The following PKD1 variants were observed in gnomAD, a reference collection of about 807,000 sequenced individuals.
PKD1 encodes the protein polycystin-1.
In PKD1, 81 loss-of-function variants were observed where a neutral mutation model predicts 361.7. That is an observed-to-expected ratio of 0.22 (90% CI 0.19 to 0.27). PKD1 has a LOEUF of 0.27. Among genes scored for constraint, PKD1 ranks in the 10% least tolerant of loss-of-function variants. PKD1 has a pLI of 1.00. For missense variants in PKD1, 6,399 were observed against 6,118.3 expected, an observed-to-expected ratio of 1.05 and a Z score of -1.53; for synonymous variants, 3,615 against 2,818.3, an observed-to-expected ratio of 1.28 and a Z score of -8.95.
chr16:2,112,701 A>G, intron 13 of PKD1, 87 bp downstream of exon 13: 1 of 1,428,086 alleles, frequency 7.0e-7, no homozygotes, highest in Non-Finnish European at 9.6e-7. Flanking sequence ...CAGAAAAGCA[A>G]CCCCGTGATG....
rs724159822 is a variant in PKD1, at chr16:2,112,816, C to G, written c.3133G>C (p.Val1045Leu). The change falls in exon 13 of 46, where the codon GTG becomes CTG. Residue 1045 changes from valine (V) to leucine (L), a missense_variant. Coordinates refer to ENST00000262304, the MANE Select transcript of PKD1 (RefSeq NM_001009944.3). ...ATLALTAGVL[V>L]DSAVEVAFLW... The stretch of plus-strand genomic sequence containing the variant: ...AAGGCCACCTCCACGGCCGAGTCCA[C>G]CAGCACGCCCGCCGTCAGTGCTAGC... 4.4e-6 allele frequency: 7 copies of G among 1,599,690 alleles called. No individual in the cohort carries two copies. The highest frequency in any genetic ancestry group is 3.3e-5 in the Admixed American group (2 of 59,984).
intron 34 of PKD1, 109 bp from the exon 35 acceptor site, chr16:2,094,319 T>TC (rs1246831613): frequency 4.1e-6 from 3 of 740,168 alleles, no homozygotes; most frequent in South Asian, 1.5e-5. Flanking sequence ...GGTCACAGGG[T>TC]CCCCCCGACA....
chr16:2,113,799 A>G (rs903239345), intron 11 of PKD1: 4 of 402,178 alleles, frequency 9.9e-6, no homozygotes, highest in Non-Finnish European at 1.9e-5. Flanking sequence ...CACCGCGGGC[A>G]GCCCGCAGTT....
chr16:2,098,153 G>T, intron 30 of PKD1, 169 bp from the exon 31 acceptor site: 1 of 609,708 alleles, frequency 1.6e-6, no homozygotes, highest in East Asian at 2.8e-5. Flanking sequence ...AGCCCCTCGC[G>T]ACGTGTGCCA....
At chr16:2,124,805 G>C (rs1303186292) in intron 1 of PKD1, among the ~76,000 whole-genome samples, 3 of 152,220 alleles carry the variant, frequency 2.0e-5, no homozygotes, top group African/African-American at 7.2e-5. Flanking sequence ...TGGGGGGACC[G>C]GCTCGGAGGG....
chr16:2,121,875 C>T (rs950509058), intron 1 of PKD1, among the ~76,000 whole-genome samples: 109 of 152,336 alleles, frequency 7.2e-4, no homozygotes, highest in African/African-American at 2.3e-3. Context: ...CAGGTGCCTC[C>T]GCCTAGACTT....
chr16:2,111,688 G>A lies in PKD1; in HGVS notation c.3479C>T (p.Thr1160Met), dbSNP rs779579607. Residue 1160 changes from threonine to methionine, a missense_variant, in exon 15 of 46, where the codon ACG (threonine) becomes ATG (methionine). By Grantham distance (81) the Thr-to-Met change is moderately conservative. Coordinates refer to ENST00000262304, the MANE Select transcript of PKD1 (RefSeq NM_001009944.3). Reference protein sequence around the residue: ...PLPSPGGVLYTWDFGDGSPVL... With the variant: ...PLPSPGGVLYMWDFGDGSPVL... ...AGGGGAGCCGTCCCCGAAGTCCCAC[G>A]TGTAAAGAACACCCCCAGGCGAGGG... is the stretch of plus-strand genomic sequence containing the variant. 217 of 1,581,110 alleles carry A rather than the reference G, an allele frequency of 1.4e-4. 1 individual carries two copies. The highest frequency in any genetic ancestry group is 5.7e-4 in the South Asian group (50 of 87,408).
chr16:2,094,498 G>A (rs914228103), intron 34 of PKD1, among the ~76,000 whole-genome samples: 5 of 152,196 alleles, frequency 3.3e-5, no homozygotes, highest in Non-Finnish European at 1.5e-5. Flanking sequence ...TTACAGCAGT[G>A]CACAGTCTCT....
At chr16:2,113,714 C>T (rs918990529) in intron 11 of PKD1, 4 of 358,620 alleles carry the variant, frequency 1.1e-5, no homozygotes, top group African/African-American at 8.3e-5. Flanking sequence ...GATGGCCCCT[C>T]CCAAGGCCCC....
At chr16:2,101,032 C>CTGGA (rs1596516997) in intron 26 of PKD1, among the ~76,000 whole-genome samples, 1 of 151,982 alleles carries the variant, frequency 6.6e-6, no homozygotes, top group East Asian at 1.9e-4. Flanking sequence ...GTCACCCAGG[C>CTGGA]TGGAGTGCAG....
intron 1 of PKD1, among the ~76,000 whole-genome samples, chr16:2,128,819 C>T (rs952999242): frequency 2.6e-5 from 4 of 152,164 alleles, no homozygotes; most frequent in East Asian, 1.9e-4. Flanking sequence ...ATTCTCCTGC[C>T]TCAGCCCCCA....
chr16:2,134,578 C>T (rs1224746092), intron 1 of PKD1, among the ~76,000 whole-genome samples: 1 of 151,214 alleles, frequency 6.6e-6, no homozygotes, highest in African/African-American at 2.5e-5. Context: ...TCCTGGGCAC[C>T]TCATAGTTCC....
chr16:2,105,291 G>C (rs191256283), intron 21 of PKD1, 31 bp downstream of exon 21: 1 of 1,590,440 alleles, frequency 6.3e-7, no homozygotes, highest in Non-Finnish European at 8.5e-7. Context: ...GCAGGCATGC[G>C]GGGCAGGGTG....
At chr16:2,120,038 C>A (rs1262736342) in intron 1 of PKD1, 1 of 589,696 alleles carries the variant, frequency 1.7e-6, no homozygotes, top group African/African-American at 1.9e-5. Flanking sequence ...ACAGTGAGAC[C>A]CCGTATCTAC....
rs780509938 is a variant in PKD1, at chr16:2,090,132, G to A, written c.12507C>T (p.Ser4169=). 13 of 1,596,954 alleles carry A rather than the reference G, an allele frequency of 8.1e-6. No individual in the cohort carries two copies. The highest frequency in any genetic ancestry group is 5.6e-5 in the South Asian group (5 of 89,870). ...GTGGGGGCACATCCGGGGATACCTT[G>A]GAGCCCCTGGAGGAGCGAGAGGGCA... ...EPLPSRSSRG[S]KVSPDVPPPS... Residue 4169 remains serine, a synonymous_variant, in exon 46 of 46, where the codon TCC becomes TCT. Coordinates refer to ENST00000262304, the MANE Select transcript of PKD1 (RefSeq NM_001009944.3).
Position 2,097,241 on chromosome 16 carries a change from T to A in PKD1, c.10406A>T (p.Asp3469Val). The A allele has an allele frequency of 1.3e-6, 2 of 1,589,610 alleles. No individual in the cohort carries two copies. The highest frequency in any genetic ancestry group is 8.6e-7 in the Non-Finnish European group (1 of 1,168,152). The change falls in exon 34 of 46, where the codon GAT becomes GTT. Residue 3469 changes from aspartate (D) to valine (V), a missense_variant and splice_region_variant. Coordinates refer to ENST00000262304, the MANE Select transcript of PKD1 (RefSeq NM_001009944.3). Reference sequence around the variant, plus strand: ...AAGGACCTGCTGGATCAGGTCTTCATCTAGAGGTACAGGAGGCATAGGGTG... The same window carrying A: ...AAGGACCTGCTGGATCAGGTCTTCAACTAGAGGTACAGGAGGCATAGGGTG... ...YSPAKSFSAS[D>V]EDLIQQVLAE... is the part of the protein sequence containing the mutation.
In PKD1 at chr16:2,110,267, C is replaced by G. The variant is rs1476864359; in HGVS notation, c.4900G>C (p.Gly1634Arg). 5.6e-6 allele frequency: 9 copies of G among 1,612,552 alleles called. No homozygotes were observed. Among genetic ancestry groups the G allele is most frequent in the Non-Finnish European group, 6.8e-6 (8 of 1,179,820 alleles). The change falls in exon 15 of 46, where the codon GGG becomes CGG. Residue 1634 changes from glycine to arginine, a missense_variant. By Grantham distance (125) the Gly-to-Arg change is moderately radical (BLOSUM62 -2). Transcript: ENST00000262304. ...CGGCCACCGCCCACCACCTGCAGCC[C>G]CTCTATGAGCTGCAGGACATAGACG... ...IFVYVLQLIE[G>R]LQVVGGGRYF...
rs556397429 is a variant in PKD1, at chr16:2,090,444, C to T, written c.12285G>A (p.Leu4095=). The T allele has an allele frequency of 9.3e-6, 15 of 1,612,512 alleles. No individual in the cohort carries two copies. The Admixed American group carries it at 2.3e-4, about 25-fold the overall frequency. The change falls in exon 45 of 46, where the codon CTG becomes CTA. Residue 4095 remains leucine, a synonymous_variant. Transcript: ENST00000262304. ...LLCVGLWALR[L]WGALRLGAVI... ...CAGCCCCCAGCCGTAGGGCGCCCCA[C>T]AGCCGCAGTGCCCAGAGCCCCACAC...
At chr16:2,129,506 G>A (rs921835555) in intron 1 of PKD1, among the ~76,000 whole-genome samples, 2 of 148,428 alleles carry the variant, frequency 1.3e-5, no homozygotes, top group East Asian at 2.0e-4. Context: ...CCATCTGTGC[G>A]TCTTCTTTGG....
Sources: gnomAD v4.1 joint callset for allele counts (sites outside exome capture counted in the v4.1 genomes callset) on GRCh38, gnomAD v4.1.1 for gene constraint, MANE v1.5 for transcripts, NCBI Gene and HGNC (gene_info 2026-07-23, HGNC 2026-07-21) for gene names.